Variants in CCDC91 observed in about 807,000 individuals in gnomAD.
CCDC91 encodes the protein coiled-coil domain-containing protein 91.
In CCDC91, 48 loss-of-function variants were observed where a neutral mutation model predicts 63.2. The observed-to-expected ratio is 0.76, with a 90% CI of 0.60 to 0.97. The LOEUF (loss-of-function observed/expected upper bound fraction) is 0.97, where lower values mean the gene tolerates loss of function less well. CCDC91 is among the 50% of genes least tolerant of loss of function. The pLI, the probability that CCDC91 is intolerant of heterozygous loss-of-function variation, is 0.00. For synonymous variants in CCDC91, 167 were observed against 165.8 expected (o/e 1.01, Z -0.06); for missense variants, 500 against 494.6 (o/e 1.01, Z -0.10).
At chr12:28,413,467 A>G (rs1407003334) in intron 8 of CCDC91, among the ~76,000 whole-genome samples, 1 of 152,018 alleles carries the variant, frequency 6.6e-6, no homozygotes, top group Non-Finnish European at 1.5e-5. Context: ...TTGTCTGAAC[A>G]TTTTTGATGT....
At chr12:28,517,554 A>G (rs1363336689) in intron 12 of CCDC91, among the ~76,000 whole-genome samples, 1 of 151,976 alleles carries the variant, frequency 6.6e-6, no homozygotes, top group Non-Finnish European at 1.5e-5. Context: ...TCCATGGCAC[A>G]TATTCACACA....
chr12:28,225,208 G>T (rs1289770617), intron 1 of CCDC91, among the ~76,000 whole-genome samples: 2 of 152,138 alleles, frequency 1.3e-5, no homozygotes, highest in African/African-American at 4.8e-5. Context: ...TTGGAGTGAT[G>T]AGAGAAAACT....
At chr12:28,462,286 G>A (rs1950344256) in intron 11 of CCDC91, among the ~76,000 whole-genome samples, 1 of 152,054 alleles carries the variant, frequency 6.6e-6, no homozygotes, top group Non-Finnish European at 1.5e-5. Context: ...AAGAAGTTGT[G>A]CAATGCCTAA....
At chr12:28,210,317 C>G (rs757872861) in intron 1 of CCDC91, among the ~76,000 whole-genome samples, 8 of 152,154 alleles carry the variant, frequency 5.3e-5, no homozygotes, top group Non-Finnish European at 1.2e-4. Context: ...ACTAAATTCA[C>G]TTGAACTAAA....
chr12:28,544,402 C>T (rs576121861), intron 12 of CCDC91, among the ~76,000 whole-genome samples: 1 of 152,036 alleles, frequency 6.6e-6, no homozygotes, highest in South Asian at 2.1e-4. Context: ...TCTCTAGTCA[C>T]TTTACCCATG....
At chr12:28,479,479 G>C (rs1242259761) in intron 11 of CCDC91, among the ~76,000 whole-genome samples, 1 of 152,014 alleles carries the variant, frequency 6.6e-6, no homozygotes, top group Non-Finnish European at 1.5e-5. Context: ...TAGGGGGAAG[G>C]GGGAAGGATA....
chr12:28,470,903 A>G (rs1950782482), intron 11 of CCDC91, among the ~76,000 whole-genome samples: 1 of 152,156 alleles, frequency 6.6e-6, no homozygotes, highest in Non-Finnish European at 1.5e-5. Flanking sequence ...ACCCATGGAA[A>G]TAGATAGTGG....
intron 3 of CCDC91, 123 bp from the exon 4 acceptor site, chr12:28,305,526 G>A (rs1938615414): frequency 1.2e-6 from 1 of 824,266 alleles, no homozygotes; most frequent in Non-Finnish European, 1.8e-6. Flanking sequence ...CACTCTCATT[G>A]CTTTTACTTT....
intron 12 of CCDC91, among the ~76,000 whole-genome samples, chr12:28,525,566 T>C (rs115857349): frequency 0.017 from 2,568 of 152,222 alleles, 84 homozygotes; most frequent in African/African-American, 0.059. Flanking sequence ...GATTAGAATG[T>C]ATATTCTGTG....
intron 8 of CCDC91, among the ~76,000 whole-genome samples, chr12:28,402,487 A>C (rs1262187240): frequency 1.4e-5 from 2 of 141,082 alleles, no homozygotes; most frequent in African/African-American, 2.7e-5. Context: ...CTTGTATTCT[A>C]CAAGTTTGCT....
At chr12:28,342,261 C>T (rs1942483100) in intron 6 of CCDC91, among the ~76,000 whole-genome samples, 1 of 152,188 alleles carries the variant, frequency 6.6e-6, no homozygotes, top group Non-Finnish European at 1.5e-5. Context: ...GTCCTCCCTA[C>T]CAGCATCTTC....
At chr12:28,200,768 C>G (rs948921867) in intron 1 of CCDC91, among the ~76,000 whole-genome samples, 12 of 151,548 alleles carry the variant, frequency 7.9e-5, no homozygotes, top group African/African-American at 2.7e-4. Context: ...TCATCATGGC[C>G]TGTTCTCAAT....
chr12:28,547,389 A>C (rs1441355091), intron 12 of CCDC91, among the ~76,000 whole-genome samples: 1 of 152,020 alleles, frequency 6.6e-6, no homozygotes, highest in South Asian at 2.1e-4. Flanking sequence ...TACATCTGTC[A>C]TTTTCCAGTA....
At chr12:28,379,887 A>G (rs1442119443) in intron 7 of CCDC91, among the ~76,000 whole-genome samples, 2 of 152,182 alleles carry the variant, frequency 1.3e-5, no homozygotes, top group Non-Finnish European at 2.9e-5. Context: ...CACAATAGCA[A>G]AGACTTGGAA....
chr12:28,237,123 TTTAA>T (rs1049219575), intron 1 of CCDC91, among the ~76,000 whole-genome samples: 6 of 151,944 alleles, frequency 3.9e-5, no homozygotes, highest in African/African-American at 7.2e-5. Flanking sequence ...TTGTAAGTGA[TTTAA>T]TTATTTTCTT....
rs1467796074 is a variant in CCDC91, at chr12:28,391,409, C to G, written c.760C>G (p.Gln254Glu). The G allele has an allele frequency of 1.3e-6, 2 of 1,584,918 alleles. No homozygotes were observed. Among genetic ancestry groups the G allele is most frequent in the Admixed American group, 1.7e-5 (1 of 59,920 alleles). The part of the protein sequence containing the change: ...AHKCEELLNA[Q>E]HQRLLEMLDT... ...CAAGTGTGAGGAGTTGCTAAATGCT[C>G]AGGTAATAAAAGTGCACATCCATTA... Residue 254 changes from glutamine to glutamate, a missense_variant and splice_region_variant, in exon 8 of 13, where the codon CAG (glutamine) becomes GAG (glutamate). Gln to Glu is a conservative substitution (Grantham distance 29). Transcript: ENST00000536442.
At chr12:28,276,497 T>G (rs1225126437) in intron 3 of CCDC91, among the ~76,000 whole-genome samples, 1 of 151,986 alleles carries the variant, frequency 6.6e-6, no homozygotes, top group African/African-American at 2.4e-5. Context: ...TGGAAAATGT[T>G]TCACATTTTC....
chr12:28,503,361 A>G (rs557846509), intron 12 of CCDC91, among the ~76,000 whole-genome samples: 4 of 152,340 alleles, frequency 2.6e-5, no homozygotes, highest in African/African-American at 9.6e-5. Context: ...CCATCAGAGA[A>G]ATGCAAATCA....
intron 6 of CCDC91, among the ~76,000 whole-genome samples, chr12:28,322,932 AT>A (rs1448488663): frequency 6.6e-6 from 1 of 151,412 alleles, no homozygotes; most frequent in African/African-American, 2.4e-5. Context: ...CCTTATTAGT[AT>A]GTTAGATTTT....
Sources: allele counts gnomAD v4.1 joint callset (sites outside exome capture counted in the v4.1 genomes callset), GRCh38; gene constraint gnomAD v4.1.1; transcripts MANE v1.5; gene names NCBI Gene and HGNC (gene_info 2026-07-23, HGNC 2026-07-21).